ZNF385D: variants seen among roughly 807,000 people sequenced by gnomAD.
The protein encoded by ZNF385D is zinc finger protein 659.
ZNF385D carries 15 observed loss-of-function variants against 35.8 expected under a neutral mutation model. That is an observed-to-expected ratio of 0.42 (90% CI 0.28 to 0.64). The LOEUF is 0.64. Among genes scored for constraint, ZNF385D ranks in the 30% least tolerant of loss-of-function variants. The probability of loss-of-function intolerance (pLI) is 0.23; values close to 1 mark genes in which losing one functional copy is unlikely to be tolerated. For missense variants in ZNF385D, 474 were observed against 494.6 expected (o/e 0.96, Z 0.39); for synonymous variants, 212 against 186.8 (o/e 1.13, Z -1.10).
chr3:21,599,809 C>T (rs1040032095), intron 2 of ZNF385D, among the ~76,000 whole-genome samples: 1 of 152,324 alleles, frequency 6.6e-6, no homozygotes, highest in African/African-American at 2.4e-5. Context: ...AGAGGACACT[C>T]CTGTTGTAGG....
chr3:22,104,236 A>G (rs1267482446), intron 3 of ZNF385D, among the ~76,000 whole-genome samples: 1 of 152,114 alleles, frequency 6.6e-6, no homozygotes, highest in Admixed American at 6.6e-5. Flanking sequence ...CTCTCCTCCT[A>G]CATATGGCAT....
At chr3:22,348,485 T>TAAAAAAA (rs1168729541) in intron 2 of ZNF385D, among the ~76,000 whole-genome samples, 46 of 84,818 alleles carry the variant, frequency 5.4e-4, no homozygotes, top group East Asian at 2.4e-3. Context: ...CCATCTCTAC[T>TAAAAAAA]AAAAAAAAAA....
chr3:21,562,759 T>A (rs923345022), intron 3 of ZNF385D, among the ~76,000 whole-genome samples: 3 of 152,192 alleles, frequency 2.0e-5, no homozygotes, highest in Non-Finnish European at 4.4e-5. Flanking sequence ...TATAATTGTT[T>A]GCTGAGTGTT....
intron 3 of ZNF385D, among the ~76,000 whole-genome samples, chr3:22,018,293 TTATTC>T (rs1697011241): frequency 1.3e-5 from 2 of 151,762 alleles, no homozygotes; most frequent in African/African-American, 4.8e-5. Context: ...ATTATATTCT[TTATTC>T]TATTTCACTG....
At chr3:21,695,096 T>C (rs747122078) in intron 1 of ZNF385D, among the ~76,000 whole-genome samples, 1 of 152,148 alleles carries the variant, frequency 6.6e-6, no homozygotes, top group Non-Finnish European at 1.5e-5. Context: ...GCCTGAAACA[T>C]AGGAGTTGTG....
chr3:22,277,531 C>G (rs1244311102), intron 2 of ZNF385D, among the ~76,000 whole-genome samples: 1 of 152,034 alleles, frequency 6.6e-6, no homozygotes, highest in East Asian at 1.9e-4. Context: ...TAATGAATCA[C>G]TAAATAGTAT....
intron 2 of ZNF385D, among the ~76,000 whole-genome samples, chr3:22,190,106 G>T (rs528227557): frequency 2.6e-5 from 4 of 152,280 alleles, no homozygotes; most frequent in African/African-American, 7.2e-5. Flanking sequence ...AGTATTCTTG[G>T]TAAGTGTTGC....
intron 5 of ZNF385D, among the ~76,000 whole-genome samples, chr3:21,433,543 T>G (rs866708831): frequency 3.3e-5 from 5 of 152,272 alleles, no homozygotes; most frequent in Middle Eastern, 3.4e-3. Context: ...AGCAGAGAAG[T>G]GTTTCTGAAG....
At chr3:21,853,823 T>C (rs1696556065) in intron 3 of ZNF385D, among the ~76,000 whole-genome samples, 1 of 151,754 alleles carries the variant, frequency 6.6e-6, no homozygotes, top group African/African-American at 2.4e-5. Flanking sequence ...TTCATTAAAA[T>C]ATAAAGCTGA....
intron 2 of ZNF385D, among the ~76,000 whole-genome samples, chr3:21,640,729 A>G (rs751559008): frequency 1.4e-4 from 21 of 152,048 alleles, no homozygotes; most frequent in African/African-American, 3.4e-4. Context: ...CGCCCATTCT[A>G]TGGTATTTTG....
At chr3:21,506,830 A>T (rs931652051) in intron 4 of ZNF385D, among the ~76,000 whole-genome samples, 6 of 152,172 alleles carry the variant, frequency 3.9e-5, no homozygotes, top group African/African-American at 1.4e-4. Flanking sequence ...CACAAGAACT[A>T]AAATTGTTCT....
chr3:22,098,007 A>C (rs1983489), intron 3 of ZNF385D, among the ~76,000 whole-genome samples: 36,072 of 151,952 alleles, frequency 0.24, 4,679 homozygotes, highest in Non-Finnish European at 0.28. Flanking sequence ...TTTTCCCCAC[A>C]AAGTTTGAAG....
chr3:21,456,331 T>C (rs1245800853), intron 4 of ZNF385D, among the ~76,000 whole-genome samples: 1 of 152,146 alleles, frequency 6.6e-6, no homozygotes, highest in Non-Finnish European at 1.5e-5. Context: ...GACTTGGAAC[T>C]AACCCAAACG....
chr3:21,991,363 A>G (rs767131520), intron 3 of ZNF385D, among the ~76,000 whole-genome samples: 30 of 152,232 alleles, frequency 2.0e-4, no homozygotes, highest in Non-Finnish European at 3.4e-4. Flanking sequence ...TTTCAGATCT[A>G]TAGCCACATG....
intron 3 of ZNF385D, among the ~76,000 whole-genome samples, chr3:21,960,992 G>T (rs1702556374): frequency 6.6e-6 from 1 of 152,050 alleles, no homozygotes; most frequent in Admixed American, 6.6e-5. Context: ...GATGATTTCT[G>T]CTGACCTGTG....
intron 2 of ZNF385D, among the ~76,000 whole-genome samples, chr3:21,602,970 C>A (rs1488352781): frequency 6.6e-6 from 1 of 152,170 alleles, no homozygotes; most frequent in Admixed American, 6.5e-5. Context: ...ACTGTTTAGA[C>A]AAAACCCAGT....
chr3:22,350,134 G>A (rs1400190840), intron 2 of ZNF385D, among the ~76,000 whole-genome samples: 1 of 152,058 alleles, frequency 6.6e-6, no homozygotes, highest in Non-Finnish European at 1.5e-5. Flanking sequence ...ATACAATACT[G>A]CTTCCCATGA....
chr3:22,100,001 C>T (rs1293925782), intron 3 of ZNF385D, among the ~76,000 whole-genome samples: 1 of 151,770 alleles, frequency 6.6e-6, no homozygotes, highest in African/African-American at 2.4e-5. Flanking sequence ...AAACAAACAA[C>T]CCCATCAAAA....
intron 4 of ZNF385D, among the ~76,000 whole-genome samples, chr3:21,507,222 A>G (rs1197600536): frequency 2.0e-5 from 3 of 152,042 alleles, no homozygotes; most frequent in African/African-American, 4.8e-5. Context: ...CGCCAAATCA[A>G]TTTTCTAATT....
Sources: allele counts gnomAD v4.1 joint callset (sites outside exome capture counted in the v4.1 genomes callset), GRCh38; gene constraint gnomAD v4.1.1; transcripts MANE v1.5; gene names NCBI Gene and HGNC (gene_info 2026-07-23, HGNC 2026-07-21).